Variants in IDS observed in about 807,000 individuals in gnomAD.
The protein encoded by IDS is alpha-L-iduronate sulfate sulfatase.
In IDS, 1 loss-of-function variant was observed where a neutral mutation model predicts 33.5. That is an observed-to-expected ratio of 0.03 (90% CI 0.01 to 0.14). The LOEUF (loss-of-function observed/expected upper bound fraction) is 0.14. Among genes scored for constraint, IDS ranks in the 10% least tolerant of loss-of-function variants. IDS has a pLI of 1.00. For synonymous variants in IDS, 191 were observed against 184.4 expected (o/e 1.04, Z -0.29); for missense variants, 328 against 448.0 (o/e 0.73, Z 2.42).
chrX:149,491,014 T>C (rs2089386374), intron 6 of IDS, among the ~76,000 whole-genome samples: 2 of 112,130 alleles, frequency 1.8e-5, no homozygotes, highest in Admixed American at 9.4e-5. Context: ...CTTAACTAAT[T>C]ACATCTGCAA....
chrX:149,486,770 G>A (rs1451860996), intron 8 of IDS, among the ~76,000 whole-genome samples, 155 bp downstream of exon 8: 2 of 112,087 alleles, frequency 1.8e-5, no homozygotes, highest in African/African-American at 6.5e-5. Flanking sequence ...TTCAGAAAGC[G>A]TGTGCTGACC....
In IDS at chrX:149,498,278, A is replaced by G; in HGVS notation, c.537T>C (p.His179=). Reference sequence around the variant, plus strand: ...CATCCACAGGGCAAAGCAGGTTGGCATGGAGTTCTCCATCTGGCCCTCGAC... The same window carrying G: ...CATCCACAGGGCAAAGCAGGTTGGCGTGGAGTTCTCCATCTGGCCCTCGAC... ...KTCRGPDGEL[H]ANLLCPVDVL... is the part of the protein sequence containing the mutation. The change falls in exon 5 of 9, where the codon CAT becomes CAC. Residue 179 remains histidine (H), a synonymous_variant. Coordinates refer to ENST00000340855, the MANE Select transcript of IDS (RefSeq NM_000202.8). 1 of 1,211,715 alleles carries G rather than the reference A, an allele frequency of 8.3e-7. No homozygotes were observed. The highest frequency in any genetic ancestry group is 1.8e-5 in the South Asian group (1 of 56,997).
intron 8 of IDS, among the ~76,000 whole-genome samples, chrX:149,486,134 C>T (rs184423349): frequency 5.4e-5 from 6 of 111,767 alleles, no homozygotes; most frequent in Admixed American, 1.9e-4. Context: ...CAGATCAAGT[C>T]AGGATAGAAC....
Position 149,478,197 on chromosome X carries a change from T to A in IDS, c.*4549A>T, listed in dbSNP as rs1403848853. On this transcript the variant is annotated 3_prime_UTR_variant, in exon 9 of 9. Transcript: ENST00000340855. Reference sequence around the variant, plus strand: ...TAGCTAGGGTGAGGCTGCTCCAGAGTCACTTGGTTACCTCCCAGCACAAAC... The same window carrying A: ...TAGCTAGGGTGAGGCTGCTCCAGAGACACTTGGTTACCTCCCAGCACAAAC... The A allele has an allele frequency of 9.0e-6, 1 of 111,690 alleles. No homozygotes were observed. Among genetic ancestry groups the A allele is most frequent in the Non-Finnish European group, 1.9e-5 (1 of 53,075 alleles). 9.2% of individuals were successfully genotyped at this position (111,690 alleles called of 1,213,427 possible).
intron 2 of IDS, among the ~76,000 whole-genome samples, chrX:149,503,765 G>C (rs1351631994): frequency 6.2e-5 from 7 of 112,258 alleles, no homozygotes; most frequent in Non-Finnish European, 1.3e-4. Context: ...AGTGTTGCTG[G>C]GGGCAGAGCC....
intron 3 of IDS, among the ~76,000 whole-genome samples, chrX:149,501,843 C>A (rs1247032094): frequency 9.0e-6 from 1 of 111,465 alleles, no homozygotes; most frequent in Non-Finnish European, 1.9e-5. Flanking sequence ...AAGAGGGCAG[C>A]GGGTGGAGGG....
In IDS at chrX:149,480,255, G is replaced by A; in HGVS notation, c.*2491C>T. 1 of 296,776 alleles carries A rather than the reference G, an allele frequency of 3.4e-6. No homozygotes were observed. 24.5% of individuals were successfully genotyped at this position (296,776 alleles called of 1,213,427 possible). On this transcript the variant is annotated 3_prime_UTR_variant, in exon 9 of 9. Coordinates refer to ENST00000340855, the MANE Select transcript of IDS (RefSeq NM_000202.8). ...ACACGTGGATTATTTTAGGGACAGG[G>A]GAGGAAAGAGGAGGGGTGGGTAAAC...
At position 149,483,206 on chromosome X, in the gene IDS, A is replaced by G. The variant is rs781831059; in HGVS notation, c.1193T>C (p.Met398Thr). ...SQLMEPGRQSMDLVELVSLFP... is the reference protein window; with the variant it reads ...SQLMEPGRQSTDLVELVSLFP... ...AAGAGACACAAGTTCCACAAGGTCC[A>G]TGGATTGCCTGCCTGAAACAGGAAG... Residue 398 changes from methionine to threonine, a missense_variant, in exon 9 of 9, where the codon ATG becomes ACG. Physicochemically the swap from Met to Thr is moderately conservative, Grantham distance 81. Transcript: ENST00000340855. 3 of 1,209,068 alleles carry G rather than the reference A, an allele frequency of 2.5e-6. No homozygotes were observed. Among genetic ancestry groups the G allele is most frequent in the Non-Finnish European group, 3.4e-6 (3 of 893,153 alleles).
At chrX:149,489,931 T>C (rs1318584504) in intron 7 of IDS, among the ~76,000 whole-genome samples, 2 of 110,637 alleles carry the variant, frequency 1.8e-5, no homozygotes, top group South Asian at 3.9e-4. Flanking sequence ...GAGCCAGGCG[T>C]GAAGAGCTTG....
intron 4 of IDS, chrX:149,499,456 C>G (rs782296497): frequency 1.8e-5 from 2 of 110,986 alleles, no homozygotes; most frequent in Non-Finnish European, 3.8e-5. Context: ...AAACAAATGG[C>G]TACATAGTGT....
At chrX:149,489,791 A>AT (rs1325058238) in intron 7 of IDS, among the ~76,000 whole-genome samples, 1 of 111,368 alleles carries the variant, frequency 9.0e-6, no homozygotes, top group African/African-American at 3.3e-5. Flanking sequence ...ATGTTGAAGA[A>AT]TTTAAAAAAT....
At chrX:149,483,368 C>T (rs1602726327) in intron 8 of IDS, 150 bp from the exon 9 acceptor site, 1 of 465,396 alleles carries the variant, frequency 2.1e-6, no homozygotes, top group East Asian at 3.7e-5. Context: ...TTAGAAACAC[C>T]ACCTCGGCAC....
At chrX:149,499,977 C>G (rs781982846) in intron 4 of IDS, among the ~76,000 whole-genome samples, 4 of 111,659 alleles carry the variant, frequency 3.6e-5, no homozygotes, top group African/African-American at 9.8e-5. Flanking sequence ...TGTTCCATCT[C>G]AAAGAGTGTT....
intron 7 of IDS, among the ~76,000 whole-genome samples, chrX:149,488,168 A>G (rs2089356018): frequency 9.6e-6 from 1 of 104,573 alleles, no homozygotes; most frequent in Non-Finnish European, 2.0e-5. Flanking sequence ...TATGGTGGGG[A>G]CTTTCAGATA....
In IDS at chrX:149,477,052, T is replaced by A. The variant is rs1557336940; in HGVS notation, c.*5694A>T. The A allele has an allele frequency of 8.9e-6, 1 of 112,627 alleles. No individual in the cohort carries two copies. The highest frequency in any genetic ancestry group is 2.8e-4 in the East Asian group (1 of 3,628). 9.3% of individuals were successfully genotyped at this position (112,627 alleles called of 1,213,427 possible). On this transcript the variant is annotated 3_prime_UTR_variant, in exon 9 of 9. Transcript: ENST00000340855. ...CTGCACTTAACACAATACAAACTTA[T>A]GTTTTTCAATAGTGTAGAAGATGTG...
chrX:149,498,414 A>C, intron 4 of IDS, 107 bp from the exon 5 acceptor site: 2 of 620,351 alleles, frequency 3.2e-6, no homozygotes, highest in Non-Finnish European at 5.1e-6. Context: ...TTCACGTGTT[A>C]GTCACTCAGA....
intron 2 of IDS, among the ~76,000 whole-genome samples, chrX:149,503,944 C>T (rs1452264382): frequency 6.3e-5 from 7 of 111,668 alleles, no homozygotes; most frequent in East Asian, 5.7e-4. Flanking sequence ...GGCCAGGGCG[C>T]ACCTTGCACC....
chrX:149,504,084 G>C lies in IDS; in HGVS notation c.240+73C>G, dbSNP rs1432766065. On this transcript the variant is annotated intron_variant, in intron 2 of 8. Coordinates refer to ENST00000340855, the MANE Select transcript of IDS (RefSeq NM_000202.8). The stretch of plus-strand genomic sequence containing the variant: ...GCACAATCTGTGCCATCTGACAATA[G>C]CTGAAGCTCCCCGCCCCCAACCCTC... 6.8e-6 allele frequency: 7 copies of C among 1,028,098 alleles called. No homozygotes were observed. The Admixed American group carries it at 1.6e-4, about 24-fold the overall frequency. 84.7% of individuals were successfully genotyped at this position (1,028,098 alleles called of 1,213,427 possible).
At chrX:149,499,688 GGA>G (rs1439789754) in intron 4 of IDS, among the ~76,000 whole-genome samples, 3 of 110,465 alleles carry the variant, frequency 2.7e-5, no homozygotes, top group Admixed American at 1.9e-4. Flanking sequence ...ACTTCAAAAG[GGA>G]GAGTTTTATG....
Sources: allele counts gnomAD v4.1 joint callset (sites outside exome capture counted in the v4.1 genomes callset), GRCh38; gene constraint gnomAD v4.1.1; transcripts MANE v1.5; gene names NCBI Gene and HGNC (gene_info 2026-07-23, HGNC 2026-07-21).